UST: variants seen among roughly 807,000 people sequenced by gnomAD.
UST encodes the protein chondroitin sulfate 2-O-sulfotransferase.
A neutral mutation model predicts 45.6 loss-of-function variants in UST; 21 were observed. That is an observed-to-expected ratio of 0.46 (90% CI 0.33 to 0.66). The LOEUF is 0.66. UST is among the 30% of genes least tolerant of loss of function. The pLI is 0.02. For synonymous variants in UST, 215 were observed against 200.6 expected (o/e 1.07, Z -0.61); for missense variants, 463 against 512.4 (o/e 0.90, Z 0.93).
intron 1 of UST, among the ~76,000 whole-genome samples, chr6:148,841,600 G>A (rs1459272657): frequency 1.5e-5 from 2 of 129,382 alleles, no homozygotes; most frequent in Non-Finnish European, 1.6e-5. Context: ...TTTTTTTTCT[G>A]TCATGTGTTT....
At chr6:148,918,290 CTTGT>C (rs1186458183) in intron 2 of UST, among the ~76,000 whole-genome samples, 7 of 152,166 alleles carry the variant, frequency 4.6e-5, no homozygotes, top group Non-Finnish European at 1.0e-4. Context: ...CTTCTAAAGA[CTTGT>C]TTGAGAGTGT....
intron 5 of UST, among the ~76,000 whole-genome samples, chr6:148,993,260 C>G (rs1214765517): frequency 6.6e-6 from 1 of 152,078 alleles, no homozygotes; most frequent in African/African-American, 2.4e-5. Flanking sequence ...CACAATCTTC[C>G]TAAAGGAGGG....
At chr6:148,894,310 T>A (rs1274068272) in intron 2 of UST, among the ~76,000 whole-genome samples, 2 of 152,180 alleles carry the variant, frequency 1.3e-5, no homozygotes, top group Admixed American at 1.3e-4. Context: ...CTGTTTGTAA[T>A]TAGGCTCTTT....
chr6:148,868,729 C>G (rs566527140), intron 1 of UST, among the ~76,000 whole-genome samples: 22 of 152,242 alleles, frequency 1.4e-4, no homozygotes, highest in Middle Eastern at 3.4e-3. Flanking sequence ...GTATAACCCC[C>G]CCATCATAAA....
intron 7 of UST, among the ~76,000 whole-genome samples, chr6:149,048,488 A>G (rs910956509): frequency 1.3e-4 from 19 of 151,610 alleles, no homozygotes; most frequent in African/African-American, 4.6e-4. Context: ...GTGAGCCGAG[A>G]TGGGGCCACT....
chr6:148,776,199 T>G (rs1776532443), intron 1 of UST, among the ~76,000 whole-genome samples: 1 of 152,222 alleles, frequency 6.6e-6, no homozygotes, highest in Non-Finnish European at 1.5e-5. Context: ...TTGTTCTGTG[T>G]TAGAGAAATT....
At chr6:148,993,430 C>T (rs1781391767) in intron 5 of UST, among the ~76,000 whole-genome samples, 1 of 151,200 alleles carries the variant, frequency 6.6e-6, no homozygotes, top group African/African-American at 2.5e-5. Flanking sequence ...GTTTTTTAAA[C>T]CAAACTAGCA....
chr6:148,786,204 A>G (rs1379506753), intron 1 of UST, among the ~76,000 whole-genome samples: 1 of 151,588 alleles, frequency 6.6e-6, no homozygotes, highest in Admixed American at 6.6e-5. Context: ...AAGGGTTTTT[A>G]TACTATTATT....
intron 3 of UST, among the ~76,000 whole-genome samples, chr6:148,944,546 C>CACAG (rs1272712783): frequency 6.8e-6 from 1 of 147,888 alleles, no homozygotes; most frequent in African/African-American, 2.5e-5. Context: ...CACACACACA[C>CACAG]AGAGCTAAAT....
intron 3 of UST, 91 bp downstream of exon 3, chr6:148,941,525 T>C (rs1014063212): frequency 1.1e-5 from 15 of 1,377,708 alleles, no homozygotes; most frequent in Non-Finnish European, 1.5e-5. Flanking sequence ...TTCAGACTCC[T>C]GATGAGTGAA....
chr6:149,018,987 A>T, intron 5 of UST, 152 bp from the exon 6 acceptor site: 2 of 671,830 alleles, frequency 3.0e-6, no homozygotes, highest in Non-Finnish European at 5.1e-6. Flanking sequence ...TGGGAGGCAA[A>T]AAATAAGTTT....
chr6:148,769,025 C>T (rs1776370639), intron 1 of UST, among the ~76,000 whole-genome samples: 5 of 152,230 alleles, frequency 3.3e-5, no homozygotes. Flanking sequence ...CCTCTGTTGG[C>T]CTGGATTGCC....
At chr6:148,881,719 A>T (rs1005692900) in intron 1 of UST, among the ~76,000 whole-genome samples, 31 of 152,234 alleles carry the variant, frequency 2.0e-4, no homozygotes, top group African/African-American at 7.0e-4. Flanking sequence ...AACACCCACC[A>T]TCGACTCCTT....
At chr6:148,925,419 A>G (rs923477920) in intron 2 of UST, among the ~76,000 whole-genome samples, 6 of 150,220 alleles carry the variant, frequency 4.0e-5, no homozygotes, top group Non-Finnish European at 8.8e-5. Context: ...GCAACTCACA[A>G]TGACTTTTAA....
chr6:149,000,643 G>T (rs1781530606), intron 5 of UST, among the ~76,000 whole-genome samples: 1 of 152,130 alleles, frequency 6.6e-6, no homozygotes, highest in South Asian at 2.1e-4. Context: ...TGGCTTTAAG[G>T]AACAACCTGA....
chr6:148,789,955 AAAAGCTTTTT>A (rs1294024272), intron 1 of UST, among the ~76,000 whole-genome samples: 1 of 151,844 alleles, frequency 6.6e-6, no homozygotes, highest in African/African-American at 2.4e-5. Flanking sequence ...AGTGAAAACC[AAAAGCTTTTT>A]TCTGTCATCA....
intron 1 of UST, among the ~76,000 whole-genome samples, chr6:148,781,661 G>A (rs1776646197): frequency 6.6e-6 from 1 of 152,158 alleles, no homozygotes; most frequent in South Asian, 2.1e-4. Flanking sequence ...TGCCATCTAG[G>A]ACTCTAGTTA....
At position 148,788,354 on chromosome 6, in the gene UST, T is replaced by TAC. The variant is rs199530817; in HGVS notation, c.247+40690_247+40691dup. On this transcript the variant is annotated intron_variant, in intron 1 of 7. Coordinates refer to ENST00000367463, the MANE Select transcript of UST (RefSeq NM_005715.3). Reference sequence around the variant, plus strand: ...CGTTCAACTAGAAAATATATATATATACACACACACACACTTAGTGAAAGT... The same window carrying TAC: ...CGTTCAACTAGAAAATATATATATATACACACACACACACACTTAGTGAAAGT... 8.9e-3 allele frequency among the ~76,000 whole-genome samples: 1,348 copies of TAC among 151,812 alleles called. 60 individuals are homozygous for TAC. In the East Asian group the frequency reaches 0.14, roughly 16 times the overall value.
intron 1 of UST, among the ~76,000 whole-genome samples, chr6:148,870,750 G>C (rs1317176873): frequency 6.6e-6 from 1 of 152,172 alleles, no homozygotes; most frequent in Admixed American, 6.5e-5. Context: ...AGCACAGGCT[G>C]CCCACCATCT....
Sources: gnomAD v4.1 joint callset for allele counts (sites outside exome capture counted in the v4.1 genomes callset) on GRCh38, gnomAD v4.1.1 for gene constraint, MANE v1.5 for transcripts, NCBI Gene and HGNC (gene_info 2026-07-23, HGNC 2026-07-21) for gene names.